The following CKAP5 variants were observed in gnomAD, a reference collection of about 807,000 sequenced individuals.
The protein encoded by CKAP5 is cytoskeleton-associated protein 5.
A neutral mutation model predicts 232.8 loss-of-function variants in CKAP5; 27 were observed. The ratio of observed to expected loss-of-function variants is 0.12; its 90% CI spans 0.09 to 0.16. The LOEUF is 0.16. Ranked by LOEUF, CKAP5 falls within the 10% of genes least tolerant of loss-of-function variation. CKAP5 has a pLI of 1.00. For synonymous variants in CKAP5, 785 were observed against 841.1 expected (o/e 0.93, Z 1.16); for missense variants, 1,838 against 2,424.7 (o/e 0.76, Z 5.08).
rs1175984298 is a variant in CKAP5, at chr11:46,765,186, A to T, written c.3482T>A (p.Phe1161Tyr). 6.2e-7 allele frequency: 1 copy of T among 1,613,132 alleles called. No homozygotes were observed. The highest frequency in any genetic ancestry group is 8.5e-7 in the Non-Finnish European group (1 of 1,179,646). ...CTCTTTTCCATTTGGAACAACAATA[A>T]AAATAGGCCCGGATTTGTCTTCATC... ...KEDEDKSGPI[F>Y]IVVPNGKEQR... The change falls in exon 28 of 44, where the codon TTT (phenylalanine) becomes TAT (tyrosine). Residue 1161 changes from phenylalanine to tyrosine, a missense_variant. By Grantham distance (22) the Phe-to-Tyr change is conservative. Transcript: ENST00000529230.
intron 5 of CKAP5, among the ~76,000 whole-genome samples, chr11:46,810,396 C>T (rs1277797657): frequency 6.6e-6 from 1 of 152,254 alleles, no homozygotes. Flanking sequence ...GCAGCCTCCA[C>T]CTCCCCAGGT....
At chr11:46,813,997 T>C (rs954285462) in intron 4 of CKAP5, among the ~76,000 whole-genome samples, 1 of 151,648 alleles carries the variant, frequency 6.6e-6, no homozygotes, top group African/African-American at 2.4e-5. Flanking sequence ...CTGGGTGTGG[T>C]GGTGCTCACC....
intron 1 of CKAP5, among the ~76,000 whole-genome samples, chr11:46,824,664 CAGCTGCTGTGAATGCAAAATGGTCT>C (rs1244803910): frequency 6.6e-6 from 1 of 152,076 alleles, no homozygotes; most frequent in Non-Finnish European, 1.5e-5. Context: ...CCAAATGGTC[CAGCTGCTGTGAATGCAAAATGGTCT>C]AGCTGCTGTG....
intron 9 of CKAP5, among the ~76,000 whole-genome samples, chr11:46,799,622 C>T (rs925077415): frequency 5.9e-5 from 9 of 152,158 alleles, no homozygotes; most frequent in African/African-American, 1.9e-4. Context: ...ATTCTTTAAC[C>T]AGGACAACAA....
intron 24 of CKAP5, among the ~76,000 whole-genome samples, chr11:46,771,400 T>G (rs1410593671): frequency 1.3e-5 from 2 of 152,186 alleles, no homozygotes; most frequent in African/African-American, 2.4e-5. Context: ...ATCCCTAAAA[T>G]AGTTCATATT....
intron 9 of CKAP5, among the ~76,000 whole-genome samples, chr11:46,798,845 A>C (rs185786567): frequency 2.2e-4 from 33 of 152,374 alleles, no homozygotes; most frequent in Middle Eastern, 3.4e-3. Flanking sequence ...TGCAAGTTTT[A>C]TCTCAATAAA....
intron 5 of CKAP5, 76 bp from the exon 6 acceptor site, chr11:46,809,950 T>A: frequency 7.1e-7 from 1 of 1,416,926 alleles, no homozygotes; most frequent in Non-Finnish European, 9.7e-7. Context: ...TTACATTTAT[T>A]GACATATCAG....
At chr11:46,762,857 G>T in intron 30 of CKAP5, 95 bp from the exon 31 acceptor site, 5 of 1,448,062 alleles carry the variant, frequency 3.5e-6, no homozygotes, top group Non-Finnish European at 3.8e-6. Context: ...TAGGGAAATA[G>T]GGATAAGTAG....
At chr11:46,844,897 G>C (rs1592497902) in intron 1 of CKAP5, among the ~76,000 whole-genome samples, 1 of 151,748 alleles carries the variant, frequency 6.6e-6, no homozygotes, top group East Asian at 1.9e-4. Flanking sequence ...CTCGTGATCC[G>C]CCCGCCTCGG....
chr11:46,751,321 G>T, intron 39 of CKAP5, 25 bp downstream of exon 39: 1 of 1,613,990 alleles, frequency 6.2e-7, no homozygotes, highest in Non-Finnish European at 8.5e-7. Context: ...AGCTCCCTCA[G>T]AGACCAGTTG....
chr11:46,801,313 G>C lies in CKAP5; in HGVS notation c.979-9C>G. On this transcript the variant is annotated splice_polypyrimidine_tract_variant and intron_variant, in intron 8 of 43. Coordinates refer to ENST00000529230, the MANE Select transcript of CKAP5 (RefSeq NM_001008938.4). ...GTGTCCTTTCCAACAACCTACAAAG[G>C]GGGGTAAAAAGGAAAACAAAATAGT... 2 of 1,603,904 alleles carry C rather than the reference G, an allele frequency of 1.2e-6. No individual in the cohort carries two copies. Among genetic ancestry groups the C allele is most frequent in the East Asian group, 2.2e-5 (1 of 44,770 alleles).
chr11:46,765,654 G>C (rs1016388050), intron 27 of CKAP5, among the ~76,000 whole-genome samples: 4 of 145,218 alleles, frequency 2.8e-5, no homozygotes, highest in East Asian at 2.0e-4. Flanking sequence ...GCCCAGGCTG[G>C]AGTGCAGTGG....
intron 16 of CKAP5, among the ~76,000 whole-genome samples, chr11:46,786,945 G>C (rs1464090700): frequency 1.3e-5 from 2 of 152,152 alleles, no homozygotes; most frequent in African/African-American, 4.8e-5. Flanking sequence ...AGAGTCTTTG[G>C]TGGCTGAAAA....
intron 30 of CKAP5, 105 bp from the exon 31 acceptor site, chr11:46,762,867 G>A: frequency 5.5e-6 from 8 of 1,446,260 alleles, no homozygotes; most frequent in Non-Finnish European, 7.7e-6. Flanking sequence ...GGGATAAGTA[G>A]GGAAGGTACC....
At chr11:46,818,250 A>T in intron 3 of CKAP5, 60 bp downstream of exon 3, 1 of 1,331,914 alleles carries the variant, frequency 7.5e-7, no homozygotes, top group African/African-American at 1.5e-5. Flanking sequence ...ATCTACAAAC[A>T]TACATTATGT....
At chr11:46,745,223 G>A (rs1425778876) in intron 42 of CKAP5, among the ~76,000 whole-genome samples, 1 of 152,088 alleles carries the variant, frequency 6.6e-6, no homozygotes, top group Non-Finnish European at 1.5e-5. Context: ...TATTTCACTT[G>A]GTATCAATGC....
At chr11:46,781,305 A>G (rs1273256521) in intron 18 of CKAP5, among the ~76,000 whole-genome samples, 1 of 152,132 alleles carries the variant, frequency 6.6e-6, no homozygotes, top group Non-Finnish European at 1.5e-5. Context: ...CACTTCTACA[A>G]TCTATGTCCA....
chr11:46,811,259 G>A, intron 4 of CKAP5, 81 bp from the exon 5 acceptor site: 1 of 1,122,580 alleles, frequency 8.9e-7, no homozygotes, highest in South Asian at 1.6e-5. Flanking sequence ...TTCAAACATA[G>A]TTCCATATCT....
At chr11:46,759,630 T>A (rs1415655024) in intron 33 of CKAP5, among the ~76,000 whole-genome samples, 188 bp from the exon 34 acceptor site, 1 of 152,214 alleles carries the variant, frequency 6.6e-6, no homozygotes, top group Admixed American at 6.5e-5. Context: ...TTCATGAATA[T>A]CCTAAGAGGG....
Sources: allele counts gnomAD v4.1 joint callset (sites outside exome capture counted in the v4.1 genomes callset), GRCh38; gene constraint gnomAD v4.1.1; transcripts MANE v1.5; gene names NCBI Gene and HGNC (gene_info 2026-07-23, HGNC 2026-07-21).